The following ESR2 variants were observed in gnomAD, a reference collection of about 807,000 sequenced individuals.
ESR2 encodes estrogen receptor 2, also known as estrogen receptor beta.
A neutral mutation model predicts 49.6 loss-of-function variants in ESR2; 36 were observed. The observed-to-expected ratio is 0.73, with a 90% CI of 0.56 to 0.96. The LOEUF (loss-of-function observed/expected upper bound fraction) is 0.96. ESR2 is among the 40% of genes least tolerant of loss of function. ESR2 has a pLI of 0.00. For synonymous variants in ESR2, 320 were observed against 266.1 expected (o/e 1.20, Z -1.97); for missense variants, 714 against 693.0 (o/e 1.03, Z -0.34).
chr14:64,314,877 CAAA>C (rs1179436563), intron 1 of ESR2, among the ~76,000 whole-genome samples: 2 of 20,488 alleles, frequency 9.8e-5, no homozygotes, highest in African/African-American at 1.4e-4. Flanking sequence ...GACTCCGTCT[CAAA>C]AAAAAAAAAA....
At chr14:64,336,907 C>T (rs1477097255) in intron 1 of ESR2, among the ~76,000 whole-genome samples, 1 of 152,134 alleles carries the variant, frequency 6.6e-6, no homozygotes, top group African/African-American at 2.4e-5. Flanking sequence ...TTTTTCTCAT[C>T]AGATTCTGCC....
chr14:64,314,828 A>G lies in ESR2; in HGVS notation c.-91+23070T>C, dbSNP rs142623118. On this transcript the variant is annotated intron_variant, in intron 1 of 8. Coordinates refer to the ESR2 transcript ENST00000358599. ...GGGAGGCGGAGGTTGCAGTGAGCCG[A>G]GATCACACTACTGCACTCTGGCCTG... Among the ~76,000 whole-genome samples, 372 of 138,788 alleles carry G rather than the reference A, an allele frequency of 2.7e-3. 4 individuals are homozygous for G. The highest frequency in any genetic ancestry group is 7.3e-3 in the Middle Eastern group (2 of 274). 91.1% of individuals were successfully genotyped at this position (138,788 alleles called of 152,430 possible).
intron 7 of ESR2, among the ~76,000 whole-genome samples, chr14:64,246,784 T>G (rs181038883): frequency 1.0e-4 from 15 of 143,918 alleles, no homozygotes; most frequent in Admixed American, 3.4e-4. Context: ...TGGCTGGACT[T>G]TCCTTATATG....
intron 3 of ESR2, among the ~76,000 whole-genome samples, chr14:64,275,426 T>C (rs944770668): frequency 4.6e-4 from 70 of 152,332 alleles, no homozygotes; most frequent in African/African-American, 1.6e-3. Flanking sequence ...TCCATTTGCA[T>C]GAAATATTTT....
chr14:64,280,556 C>T (rs2076646485), intron 2 of ESR2, among the ~76,000 whole-genome samples: 1 of 152,196 alleles, frequency 6.6e-6, no homozygotes, highest in South Asian at 2.1e-4. Context: ...TACTAGAGTT[C>T]ACGAATGCTG....
intron 3 of ESR2, among the ~76,000 whole-genome samples, chr14:64,269,357 G>C (rs117609773): frequency 1.3e-5 from 2 of 152,062 alleles, no homozygotes. Context: ...ATAACAAAAG[G>C]AACAAATAAA....
chr14:64,306,159 G>A (rs573270010), intron 1 of ESR2, among the ~76,000 whole-genome samples: 6 of 150,106 alleles, frequency 4.0e-5, no homozygotes, highest in Non-Finnish European at 8.9e-5. Flanking sequence ...GCTGAGATCC[G>A]CCATTGCACT....
intron 6 of ESR2, among the ~76,000 whole-genome samples, chr14:64,255,591 T>C (rs1409837640): frequency 6.6e-6 from 1 of 152,242 alleles, no homozygotes; most frequent in Non-Finnish European, 1.5e-5. Context: ...CCACCACCTA[T>C]TATCCTACCT....
At chr14:64,243,478 A>G (rs1056323684) in intron 7 of ESR2, among the ~76,000 whole-genome samples, 1 of 152,248 alleles carries the variant, frequency 6.6e-6, no homozygotes, top group African/African-American at 2.4e-5. Flanking sequence ...CGATTTGTAA[A>G]AACATGCAGT....
At chr14:64,304,858 A>G (rs2077069339) in intron 1 of ESR2, among the ~76,000 whole-genome samples, 1 of 152,234 alleles carries the variant, frequency 6.6e-6, no homozygotes, top group East Asian at 1.9e-4. Context: ...CCTGGGCAAC[A>G]GAGCGAGACA....
chr14:64,317,350 C>T (rs1034381299), intron 1 of ESR2, among the ~76,000 whole-genome samples: 1 of 152,154 alleles, frequency 6.6e-6, no homozygotes, highest in African/African-American at 2.4e-5. Context: ...ACAGGCTGTA[C>T]AGGAAGCATG....
At chr14:64,324,261 T>C (rs2077363144) in intron 1 of ESR2, among the ~76,000 whole-genome samples, 1 of 152,212 alleles carries the variant, frequency 6.6e-6, no homozygotes, top group Non-Finnish European at 1.5e-5. Flanking sequence ...CTTTCCATAT[T>C]ATATTGATGG....
In ESR2 at chr14:64,310,658, G is replaced by A. The variant is rs574351102; in HGVS notation, c.-91+27240C>T. The stretch of plus-strand genomic sequence containing the variant: ...AACTAATTTTTGTATTTTTAGTAGA[G>A]ACGAGGTTTCATTATGTTGGCCAGG... On this transcript the variant is annotated intron_variant, in intron 1 of 8. Coordinates refer to the ESR2 transcript ENST00000358599. 2.0e-5 allele frequency among the ~76,000 whole-genome samples: 3 copies of A among 152,120 alleles called. No individual in the cohort carries two copies. In the South Asian group the frequency reaches 6.2e-4, roughly 32 times the overall value.
intron 1 of ESR2, among the ~76,000 whole-genome samples, chr14:64,313,694 C>T (rs1567797400): frequency 6.6e-6 from 1 of 151,390 alleles, no homozygotes; most frequent in African/African-American, 2.4e-5. Context: ...TCGAGACCAT[C>T]CTGGCACCCC....
intron 5 of ESR2, among the ~76,000 whole-genome samples, chr14:64,257,942 T>C (rs1470074196): frequency 6.6e-6 from 1 of 152,072 alleles, no homozygotes; most frequent in Admixed American, 6.6e-5. Flanking sequence ...AAACAGCAAA[T>C]ATAGCCAAGC....
intron 7 of ESR2, among the ~76,000 whole-genome samples, chr14:64,241,275 A>G (rs2075724484): frequency 6.6e-6 from 1 of 152,128 alleles, no homozygotes; most frequent in South Asian, 2.1e-4. Flanking sequence ...AAATCACCCC[A>G]TCATAAATTG....
intron 6 of ESR2, 132 bp downstream of exon 6, chr14:64,257,094 G>T (rs753406615): frequency 2.5e-6 from 2 of 804,922 alleles, no homozygotes; most frequent in Non-Finnish European, 4.2e-6. Context: ...ACCCAGTGAA[G>T]GAGCTGATGA....
At chr14:64,288,951 A>T (rs1341738953) in intron 1 of ESR2, among the ~76,000 whole-genome samples, 2 of 144,736 alleles carry the variant, frequency 1.4e-5, no homozygotes, top group East Asian at 4.2e-4. Context: ...ACGCCACTGC[A>T]CTCCAACCTA....
At position 64,282,765 on chromosome 14, in the gene ESR2, G is replaced by C; in HGVS notation, c.221C>G (p.Thr74Arg). 1 of 1,614,226 alleles carries C rather than the reference G, an allele frequency of 6.2e-7. No individual in the cohort carries two copies. Among genetic ancestry groups the C allele is most frequent in the Non-Finnish European group, 8.5e-7 (1 of 1,180,032 alleles). ...NLEGGPGRQT[T>R]SPNVLWPTPG... is the part of the protein sequence containing the mutation. ...TGTTGGCCACAACACATTTGGGCTT[G>C]TGGTCTGCCGACCAGGCCCACCTTC... The change falls in exon 2 of 9, where the codon ACA becomes AGA. Residue 74 changes from threonine to arginine, a missense_variant. Thr to Arg is a moderately conservative substitution (Grantham distance 71, BLOSUM62 -1). Transcript: ENST00000341099.
Sources: allele counts gnomAD v4.1 joint callset (sites outside exome capture counted in the v4.1 genomes callset), GRCh38; gene constraint gnomAD v4.1.1; transcripts MANE v1.5; gene names NCBI Gene and HGNC (gene_info 2026-07-23, HGNC 2026-07-21).